The following SRRM4 variants were observed in gnomAD, a reference collection of about 807,000 sequenced individuals.
The protein encoded by SRRM4 is serine/arginine repetitive matrix protein 4.
Under a neutral mutation model 68.9 loss-of-function variants are expected in SRRM4, and 33 were observed. The observed-to-expected ratio is 0.48, with a 90% CI of 0.36 to 0.64. SRRM4 has a LOEUF of 0.64. Among genes scored for constraint, SRRM4 ranks in the 30% least tolerant of loss-of-function variants. The pLI is 0.00. For missense variants in SRRM4, 817 were observed against 827.1 expected, an observed-to-expected ratio of 0.99 and a Z score of 0.15; for synonymous variants, 318 against 318.8, an observed-to-expected ratio of 1.00 and a Z score of 0.03.
chr12:119,144,987 C>A (rs570178633), intron 8 of SRRM4, among the ~76,000 whole-genome samples: 17 of 152,048 alleles, frequency 1.1e-4, no homozygotes, highest in African/African-American at 3.9e-4. Context: ...AGTTCCATTT[C>A]TTTTTCCCCT....
chr12:119,050,094 G>A lies in SRRM4; in HGVS notation c.132-52142G>A, dbSNP rs148660285. On this transcript the variant is annotated intron_variant, in intron 1 of 12. Transcript: ENST00000267260. ...GCTTCATCTAGGAGCTCTCTTGTCTGGGCCAATCGTGCACTCTTCATACCT... is the reference window on the plus strand; with the variant it reads ...GCTTCATCTAGGAGCTCTCTTGTCTAGGCCAATCGTGCACTCTTCATACCT... Among the ~76,000 whole-genome samples, 1,339 of 152,180 alleles carry A rather than the reference G, an allele frequency of 8.8e-3. 9 individuals are homozygous for A. The highest frequency in any genetic ancestry group is 0.014 in the Non-Finnish European group (972 of 67,998).
chr12:119,044,325 C>T (rs956167395), intron 1 of SRRM4, among the ~76,000 whole-genome samples: 1 of 152,192 alleles, frequency 6.6e-6, no homozygotes, highest in East Asian at 1.9e-4. Context: ...CCCTTAGATG[C>T]AGCTCCTGGT....
chr12:119,117,876 C>T (rs1236114095), intron 4 of SRRM4, among the ~76,000 whole-genome samples: 1 of 152,134 alleles, frequency 6.6e-6, no homozygotes, highest in Non-Finnish European at 1.5e-5. Flanking sequence ...CGCTCCATTG[C>T]ACTCCAGCCT....
rs1364984710 is a variant in SRRM4 at position 119,121,525 on chromosome 12, T to C, written c.465-545T>C. Among the ~76,000 whole-genome samples, 4 of 152,204 alleles carry C rather than the reference T, an allele frequency of 2.6e-5. No individual in the cohort carries two copies. The South Asian group carries it at 6.2e-4, about 24-fold the overall frequency. The stretch of plus-strand genomic sequence containing the variant: ...ATGAGAGTTCAAATATCTTCCTGGA[T>C]ATTCCATTTGCTTCTCTTATAAATT... On this transcript the variant is annotated intron_variant, in intron 5 of 12. Coordinates refer to ENST00000267260, the MANE Select transcript of SRRM4 (RefSeq NM_194286.4).
intron 9 of SRRM4, among the ~76,000 whole-genome samples, chr12:119,148,370 T>C (rs192025931): frequency 5.1e-4 from 78 of 152,286 alleles, no homozygotes; most frequent in Non-Finnish European, 9.4e-4. Context: ...CCAGAGCCAA[T>C]GTCAGTGTCT....
chr12:118,987,370 G>T (rs1007006859), intron 1 of SRRM4, among the ~76,000 whole-genome samples: 2 of 152,130 alleles, frequency 1.3e-5, no homozygotes, highest in African/African-American at 4.8e-5. Flanking sequence ...CCTGGGCTGC[G>T]CTTGTTCAGT....
intron 1 of SRRM4, among the ~76,000 whole-genome samples, chr12:119,056,932 T>A (rs1001429149): frequency 6.6e-6 from 1 of 152,192 alleles, no homozygotes; most frequent in Non-Finnish European, 1.5e-5. Context: ...AGTACCTAAA[T>A]CTTGGAATCT....
At chr12:118,987,323 G>A (rs1362163001) in intron 1 of SRRM4, among the ~76,000 whole-genome samples, 5 of 152,138 alleles carry the variant, frequency 3.3e-5, no homozygotes, top group Admixed American at 2.0e-4. Flanking sequence ...GCTACCCAAC[G>A]AGATGCAGAG....
chr12:119,151,040 A>T lies in SRRM4; in HGVS notation c.1100A>T (p.Glu367Val). The change falls in exon 10 of 13, where the codon GAA (glutamate) becomes GTA (valine). Residue 367 changes from glutamate (E) to valine (V), a missense_variant. Glu to Val is a moderately radical substitution (Grantham distance 121, BLOSUM62 -2). Transcript: ENST00000267260. ...ESRGFQSPCL[E>V]CAEVKKSSLV... is the part of the protein sequence containing the mutation. ...AGGGGATTTCAGTCACCGTGTCTGG[A>T]ATGTGCCGAAGTGAAGAAGTCCAGT... 1 of 1,613,942 alleles carries T rather than the reference A, an allele frequency of 6.2e-7. No homozygotes were observed. The highest frequency in any genetic ancestry group is 8.5e-7 in the Non-Finnish European group (1 of 1,179,882).
At chr12:119,089,459 A>T (rs747544196) in intron 1 of SRRM4, among the ~76,000 whole-genome samples, 12 of 152,206 alleles carry the variant, frequency 7.9e-5, no homozygotes, top group Non-Finnish European at 1.5e-4. Flanking sequence ...GAACAGCTGG[A>T]TGCCTGGGTT....
chr12:119,075,716 TTGA>T (rs1245405836), intron 1 of SRRM4, among the ~76,000 whole-genome samples: 6 of 110,160 alleles, frequency 5.4e-5, no homozygotes, highest in Non-Finnish European at 7.6e-5. Flanking sequence ...GATGGTGATG[TTGA>T]TGATGGTGGT....
At position 119,157,005 on chromosome 12, in the gene SRRM4, C is replaced by T. The variant is rs1954478451; in HGVS notation, c.*207C>T. Reference sequence around the variant, plus strand: ...GCCTCTACCAGCATCATCCTGGGGCCCAGCTCAGGCCTGGGCATATGGAAA... The same window carrying T: ...GCCTCTACCAGCATCATCCTGGGGCTCAGCTCAGGCCTGGGCATATGGAAA... On this transcript the variant is annotated 3_prime_UTR_variant, in exon 13 of 13. Coordinates refer to ENST00000267260, the MANE Select transcript of SRRM4 (RefSeq NM_194286.4). This position sits in a 1 kb window ranked among gnomAD's most constrained non-coding sequence, Gnocchi z 4.1. 8.7e-6 allele frequency: 5 copies of T among 577,972 alleles called. No individual in the cohort carries two copies. Among genetic ancestry groups the T allele is most frequent in the South Asian group, 2.6e-5 (1 of 38,928 alleles). The allele number at this position is 577,972 out of a possible 1,614,324, so 35.8% of individuals were successfully genotyped here. A position where few individuals can be genotyped will look rare whatever the true frequency, so the allele number is the denominator to read the frequency against.
At chr12:119,014,391 C>A (rs960891530) in intron 1 of SRRM4, among the ~76,000 whole-genome samples, 1 of 151,912 alleles carries the variant, frequency 6.6e-6, no homozygotes, top group South Asian at 2.1e-4. Flanking sequence ...CCGATCCCCA[C>A]CCCCCACCTC....
intron 1 of SRRM4, among the ~76,000 whole-genome samples, chr12:118,997,891 T>C (rs1953359314): frequency 6.6e-6 from 1 of 152,118 alleles, no homozygotes; most frequent in Non-Finnish European, 1.5e-5. Context: ...GTGACACAGC[T>C]AGGAAGTGGA....
chr12:119,034,870 A>T (rs1055638002), intron 1 of SRRM4, among the ~76,000 whole-genome samples: 3 of 152,154 alleles, frequency 2.0e-5, no homozygotes. Context: ...AAATTCATAT[A>T]ATAGACTTGG....
rs565929001 is a variant in SRRM4 at position 119,057,562 on chromosome 12, A to G, written c.132-44674A>G. Among the ~76,000 whole-genome samples the G allele has an allele frequency of 9.2e-5, 14 of 152,298 alleles. No individual in the cohort carries two copies. The South Asian group carries it at 2.9e-3, about 32-fold the overall frequency. ...ATGGCTACATAGTATTCCAGGGTGT[A>G]TATATACCACATTTTCTTTATCCAG... On this transcript the variant is annotated intron_variant, in intron 1 of 12. Coordinates refer to ENST00000267260, the MANE Select transcript of SRRM4 (RefSeq NM_194286.4).
chr12:119,083,588 T>C (rs1427345492), intron 1 of SRRM4, among the ~76,000 whole-genome samples: 1 of 152,080 alleles, frequency 6.6e-6, no homozygotes, highest in East Asian at 1.9e-4. Context: ...CCCTTCCCAA[T>C]GTCCTTACCA....
At chr12:119,152,509 A>C (rs1371014241) in intron 10 of SRRM4, among the ~76,000 whole-genome samples, 1 of 150,658 alleles carries the variant, frequency 6.6e-6, no homozygotes, top group African/African-American at 2.5e-5. Flanking sequence ...ATTATTAACA[A>C]AAAAAAGATA....
intron 1 of SRRM4, among the ~76,000 whole-genome samples, chr12:118,986,240 C>G (rs7134449): frequency 0.14 from 20,637 of 152,142 alleles, 1,522 homozygotes; most frequent in African/African-American, 0.16. Flanking sequence ...CTGGCAGCAG[C>G]CTGTGGTTAA....
Sources: allele counts gnomAD v4.1 joint callset (sites outside exome capture counted in the v4.1 genomes callset), GRCh38; gene constraint gnomAD v4.1.1; non-coding constraint Gnocchi (gnomAD v3.1); transcripts MANE v1.5; gene names NCBI Gene and HGNC (gene_info 2026-07-23, HGNC 2026-07-21).